Variants in FNBP1L observed in about 807,000 individuals in gnomAD.
FNBP1L encodes formin binding protein 1 like.
In FNBP1L, 36 loss-of-function variants were observed where a neutral mutation model predicts 91.2. That is an observed-to-expected ratio of 0.39 (90% CI 0.30 to 0.52). FNBP1L has a LOEUF of 0.52. Ranked by LOEUF, FNBP1L falls within the 20% of genes least tolerant of loss-of-function variation. The probability of loss-of-function intolerance (pLI) is 0.66; values close to 1 mark genes in which losing one functional copy is unlikely to be tolerated. For missense variants in FNBP1L, 571 were observed against 732.1 expected (o/e 0.78, Z 2.54); for synonymous variants, 242 against 237.0 (o/e 1.02, Z -0.19).
intron 1 of FNBP1L, among the ~76,000 whole-genome samples, chr1:93,456,230 A>G (rs1229612243): frequency 6.6e-6 from 1 of 152,198 alleles, no homozygotes; most frequent in African/African-American, 2.4e-5. Context: ...TTGAATCCAA[A>G]TTAGTTATTC....
Position 93,530,898 on chromosome 1 carries a change from T to C in FNBP1L, c.639+15T>C, listed in dbSNP as rs1388628768. On this transcript the variant is annotated intron_variant, in intron 7 of 16. Transcript: ENST00000271234. ...AGATTTACAAGGTAAATCTTAGATA[T>C]GAAGTTAATCTAGTTTTAGATTAAC... The C allele has an allele frequency of 5.9e-6, 9 of 1,517,126 alleles. No individual in the cohort carries two copies. The highest frequency in any genetic ancestry group is 2.8e-5 in the African/African-American group (2 of 71,682). The allele number at this position is 1,517,126 out of a possible 1,614,324, so 94.0% of individuals were successfully genotyped here.
intron 1 of FNBP1L, among the ~76,000 whole-genome samples, chr1:93,483,840 A>T (rs975047511): frequency 6.6e-6 from 1 of 152,214 alleles, no homozygotes; most frequent in Admixed American, 6.5e-5. Context: ...ACTTAAGTGA[A>T]CTGATTTAAA....
At position 93,547,335 on chromosome 1, in the gene FNBP1L, T is replaced by G; in HGVS notation, c.1408-12T>G. The G allele has an allele frequency of 6.5e-7, 1 of 1,550,246 alleles. No homozygotes were observed. The highest frequency in any genetic ancestry group is 8.7e-7 in the Non-Finnish European group (1 of 1,145,250). On this transcript the variant is annotated splice_polypyrimidine_tract_variant and intron_variant, in intron 13 of 16. Coordinates refer to ENST00000271234, the MANE Select transcript of FNBP1L (RefSeq NM_001164473.3). ...TATTGAGCTCAGTTGTTTGCTTATT[T>G]TTTTTCCTAAGGCTTGGCTCTCTGA...
intron 1 of FNBP1L, among the ~76,000 whole-genome samples, chr1:93,474,303 C>T (rs1669416524): frequency 1.3e-5 from 2 of 152,052 alleles, no homozygotes; most frequent in Admixed American, 6.5e-5. Flanking sequence ...TGCCTCCAAT[C>T]GACTGAACCA....
intron 2 of FNBP1L, among the ~76,000 whole-genome samples, chr1:93,506,591 A>G (rs1238646248): frequency 6.6e-6 from 1 of 152,194 alleles, no homozygotes; most frequent in Non-Finnish European, 1.5e-5. Flanking sequence ...AAGAAATGGT[A>G]TGATTTATAT....
chr1:93,456,463 C>CT (rs1013445835), intron 1 of FNBP1L, among the ~76,000 whole-genome samples: 1 of 152,004 alleles, frequency 6.6e-6, no homozygotes, highest in African/African-American at 2.4e-5. Flanking sequence ...TGTGTCCTTG[C>CT]TGCACACCCA....
At chr1:93,482,429 A>T (rs1479275296) in intron 1 of FNBP1L, among the ~76,000 whole-genome samples, 1 of 151,846 alleles carries the variant, frequency 6.6e-6, no homozygotes, top group Admixed American at 6.6e-5. Context: ...GTTTTTCTTT[A>T]AATTTTTTTA....
At chr1:93,518,896 C>G (rs1671223550) in intron 2 of FNBP1L, among the ~76,000 whole-genome samples, 2 of 152,176 alleles carry the variant, frequency 1.3e-5, no homozygotes, top group African/African-American at 4.8e-5. Context: ...CAACTGTTAT[C>G]TATTTTCTGT....
chr1:93,485,290 G>A (rs1019441071), intron 1 of FNBP1L, among the ~76,000 whole-genome samples: 4 of 152,058 alleles, frequency 2.6e-5, no homozygotes, highest in African/African-American at 9.7e-5. Flanking sequence ...CAACAGATAT[G>A]CTCTGATAGT....
chr1:93,535,476 G>A (rs1227532907), intron 9 of FNBP1L, among the ~76,000 whole-genome samples: 1 of 152,068 alleles, frequency 6.6e-6, no homozygotes, highest in African/African-American at 2.4e-5. Flanking sequence ...CAGCATGTGA[G>A]CAAATGAAAT....
chr1:93,550,203 G>T (rs557170851), intron 15 of FNBP1L, among the ~76,000 whole-genome samples: 1 of 152,154 alleles, frequency 6.6e-6, no homozygotes, highest in East Asian at 1.9e-4. Flanking sequence ...AGACCTTGCA[G>T]CCAAGTGCAG....
At chr1:93,510,333 C>G (rs921765843) in intron 2 of FNBP1L, among the ~76,000 whole-genome samples, 54 of 152,316 alleles carry the variant, frequency 3.5e-4, no homozygotes, top group Admixed American at 1.3e-4. Context: ...GGGAGGCACC[C>G]CCCAGCAGGG....
chr1:93,551,476 A>C (rs1672414581), intron 16 of FNBP1L: 1 of 989,092 alleles, frequency 1.0e-6, no homozygotes, highest in Admixed American at 6.1e-5. Flanking sequence ...CAGAAAACAC[A>C]GTGACTTTAG....
chr1:93,467,288 C>T (rs1426301962), intron 1 of FNBP1L, among the ~76,000 whole-genome samples: 1 of 152,184 alleles, frequency 6.6e-6, no homozygotes, highest in Non-Finnish European at 1.5e-5. Context: ...TATACACATA[C>T]AGTGAATATT....
At chr1:93,467,688 C>A (rs1392371333) in intron 1 of FNBP1L, among the ~76,000 whole-genome samples, 1 of 151,884 alleles carries the variant, frequency 6.6e-6, no homozygotes, top group Non-Finnish European at 1.5e-5. Context: ...GGTGGGAGGA[C>A]CATTTGAGGC....
At chr1:93,514,572 G>A (rs566182975) in intron 2 of FNBP1L, among the ~76,000 whole-genome samples, 42 of 152,202 alleles carry the variant, frequency 2.8e-4, no homozygotes, top group Non-Finnish European at 4.3e-4. Context: ...ACACAGAGAT[G>A]TAGATCAATG....
intron 2 of FNBP1L, among the ~76,000 whole-genome samples, chr1:93,514,174 A>G (rs1377848036): frequency 6.6e-6 from 1 of 152,246 alleles, no homozygotes; most frequent in African/African-American, 2.4e-5. Context: ...CAATTGCTTC[A>G]AAGGGAATAA....
chr1:93,517,073 T>C (rs1304469660), intron 2 of FNBP1L, among the ~76,000 whole-genome samples: 1 of 149,940 alleles, frequency 6.7e-6, no homozygotes, highest in African/African-American at 2.5e-5. Flanking sequence ...AGAGCCTTGC[T>C]CTGTCGCCCA....
At chr1:93,466,629 G>A (rs936442398) in intron 1 of FNBP1L, among the ~76,000 whole-genome samples, 5 of 152,132 alleles carry the variant, frequency 3.3e-5, no homozygotes, top group African/African-American at 1.2e-4. Context: ...TTGAGGTCAG[G>A]TAGCGTCATG....
Sources: gnomAD v4.1 joint callset for allele counts (sites outside exome capture counted in the v4.1 genomes callset) on GRCh38, gnomAD v4.1.1 for gene constraint, MANE v1.5 for transcripts, NCBI Gene and HGNC (gene_info 2026-07-23, HGNC 2026-07-21) for gene names.